GPAT3: variants seen among roughly 807,000 people sequenced by gnomAD.
The protein encoded by GPAT3 is glycerol-3-phosphate acyltransferase 3.
A neutral mutation model predicts 58.8 loss-of-function variants in GPAT3; 53 were observed. The ratio of observed to expected loss-of-function variants is 0.90; its 90% CI spans 0.72 to 1.13. GPAT3 has a LOEUF of 1.13. Ranked by LOEUF, GPAT3 falls within the 50% of genes most tolerant of loss-of-function variation. The probability of loss-of-function intolerance (pLI) is 0.00; values close to 1 mark genes in which losing one functional copy is unlikely to be tolerated. For missense variants in GPAT3, 511 were observed against 527.6 expected, an observed-to-expected ratio of 0.97 and a Z score of 0.31; for synonymous variants, 197 against 187.4, an observed-to-expected ratio of 1.05 and a Z score of -0.42.
chr4:83,543,669 A>G (rs1255142935), intron 1 of GPAT3, among the ~76,000 whole-genome samples: 9 of 151,046 alleles, frequency 6.0e-5, no homozygotes, highest in South Asian at 4.2e-4. Context: ...TTTTTGAGAG[A>G]GTCTCACTCT....
Position 83,597,504 on chromosome 4 carries a change from G to A in GPAT3, c.985G>A (p.Val329Ile), listed in dbSNP as rs368802958. Residue 329 changes from valine (V) to isoleucine (I), a missense_variant, in exon 9 of 12, where the codon GTT becomes ATT. By Grantham distance (29) the Val-to-Ile change is conservative (BLOSUM62 3). Transcript: ENST00000264409. ...SFEIGGTIHP[V>I]AIKYNPQFGD... is the part of the protein sequence containing the mutation. The stretch of plus-strand genomic sequence containing the variant: ...TGAAATTGGAGGAACCATACATCCA[G>A]TTGCAATTAAGGTAAAACAGATACC... The A allele has an allele frequency of 5.1e-6, 8 of 1,560,364 alleles. No individual in the cohort carries two copies. The East Asian group carries it at 1.8e-4, about 36-fold the overall frequency.
At chr4:83,601,696 G>C (rs1727059258) in intron 11 of GPAT3, among the ~76,000 whole-genome samples, 1 of 152,374 alleles carries the variant, frequency 6.6e-6, no homozygotes, top group Admixed American at 6.5e-5. Context: ...CGAGGCTGCA[G>C]TTAGCTGAGA....
intron 10 of GPAT3, 93 bp from the exon 11 acceptor site, chr4:83,598,551 C>A: frequency 9.3e-7 from 1 of 1,074,438 alleles, no homozygotes; most frequent in Non-Finnish European, 1.4e-6. Context: ...AAATATGAAT[C>A]TTATATTTTA....
At chr4:83,582,675 A>AC (rs1338914584) in intron 3 of GPAT3, among the ~76,000 whole-genome samples, 1 of 151,530 alleles carries the variant, frequency 6.6e-6, no homozygotes, top group Non-Finnish European at 1.5e-5. Flanking sequence ...TCTTTTTACC[A>AC]CCCCCAGGGT....
Position 83,536,297 on chromosome 4 carries a change from C to T in GPAT3, c.-326C>T. 1.9e-6 allele frequency: 2 copies of T among 1,066,490 alleles called. No homozygotes were observed. Among genetic ancestry groups the T allele is most frequent in the South Asian group, 8.2e-5 (2 of 24,376 alleles). The allele number at this position is 1,066,490 out of a possible 1,614,324, so 66.1% of individuals were successfully genotyped here. On this transcript the variant is annotated 5_prime_UTR_variant, in exon 1 of 12. Transcript: ENST00000264409. ...TCCTGGCTGCGCTCGCGCGCTCTGC[C>T]CGCGCCGCGGTGTGCCTCCGCTTAC...
chr4:83,546,894 G>A (rs1396482109), intron 2 of GPAT3, among the ~76,000 whole-genome samples: 2 of 152,090 alleles, frequency 1.3e-5, no homozygotes, highest in African/African-American at 2.4e-5. Flanking sequence ...TCGTGCTTGG[G>A]TATCCAGGGG....
In GPAT3 at chr4:83,581,829, T is replaced by C; in HGVS notation, c.476T>C (p.Leu159Pro). ...GTGCGCTATTGTGTCCTACTGCCTCTGAGGTAAGTCATATGCCTGGTAATT... is the reference window on the plus strand; with the variant it reads ...GTGCGCTATTGTGTCCTACTGCCTCCGAGGTAAGTCATATGCCTGGTAATT... ...VIVRYCVLLP[L>P]RVTLAFIGIS... The change falls in exon 3 of 12, where the codon CTG becomes CCG. Residue 159 changes from leucine to proline, a missense_variant. Transcript: ENST00000264409. 6.2e-7 allele frequency: 1 copy of C among 1,607,188 alleles called. No individual in the cohort carries two copies. Among genetic ancestry groups the C allele is most frequent in the Admixed American group, 1.7e-5 (1 of 59,604 alleles).
intron 2 of GPAT3, among the ~76,000 whole-genome samples, chr4:83,553,358 TG>T (rs1724822959): frequency 1.3e-5 from 2 of 152,350 alleles, no homozygotes; most frequent in Admixed American, 1.3e-4. Context: ...TTTTTTAGAT[TG>T]TTTTTCTTTT....
chr4:83,536,263 G>A lies in GPAT3; in HGVS notation c.-360G>A, dbSNP rs569188490. ...ACCCAGAGGAAATCAGGCACCGGGC[G>A]GGGCGGGTTCCTGGCTGCGCTCGCG... is the stretch of plus-strand genomic sequence containing the variant. On this transcript the variant is annotated 5_prime_UTR_variant, in exon 1 of 12. Coordinates refer to ENST00000264409, the MANE Select transcript of GPAT3 (RefSeq NM_032717.5). The A allele has an allele frequency of 2.3e-5, 24 of 1,021,868 alleles. No homozygotes were observed. In the South Asian group the frequency reaches 1.0e-3, roughly 44 times the overall value. The allele number at this position is 1,021,868 out of a possible 1,614,324, so 63.3% of individuals were successfully genotyped here. A position where few individuals can be genotyped will look rare whatever the true frequency, so the allele number is the denominator to read the frequency against.
chr4:83,555,752 G>C (rs944466119), intron 2 of GPAT3, among the ~76,000 whole-genome samples: 6 of 152,194 alleles, frequency 3.9e-5, no homozygotes, highest in Non-Finnish European at 7.3e-5. Context: ...GCTTGGACTT[G>C]CAATTGGCAC....
intron 10 of GPAT3, 162 bp from the exon 11 acceptor site, chr4:83,598,482 T>A: frequency 2.5e-6 from 2 of 786,632 alleles, no homozygotes; most frequent in South Asian, 3.3e-5. Flanking sequence ...CACTGCATTT[T>A]CTTTATAGAA....
At chr4:83,601,392 G>A (rs1727047440) in intron 11 of GPAT3, among the ~76,000 whole-genome samples, 1 of 152,192 alleles carries the variant, frequency 6.6e-6, no homozygotes, top group African/African-American at 2.4e-5. Flanking sequence ...AGGTAAACCA[G>A]TTTCTGATAT....
Position 83,590,203 on chromosome 4 carries a change from TAC to T in GPAT3, c.651_652del (p.Tyr217Ter). On this transcript the variant is annotated frameshift_variant, in exon 6 of 12. Coordinates refer to ENST00000264409, the MANE Select transcript of GPAT3 (RefSeq NM_032717.5). LOFTEE classifies it high-confidence loss of function. ...TTCCATTGTTTGTAATTGCAGGCAG[TAC>T]AGACCCCAGAAGGGAGGCATTTGTG... Reference protein sequence around the residue: ...SGTIHYHNKQYRPQKGGICVA... With the variant: ...SGTIHYHNKQXRPQKGGICVA... 1.2e-6 allele frequency: 2 copies of T among 1,613,722 alleles called. No homozygotes were observed. Among genetic ancestry groups the T allele is most frequent in the Non-Finnish European group, 1.7e-6 (2 of 1,179,768 alleles).
At chr4:83,547,893 T>C (rs1724606356) in intron 2 of GPAT3, among the ~76,000 whole-genome samples, 1 of 149,092 alleles carries the variant, frequency 6.7e-6, no homozygotes, top group African/African-American at 2.5e-5. Flanking sequence ...GGCTGTATTG[T>C]GCCAAATTCC....
chr4:83,552,286 C>T lies in GPAT3; in HGVS notation c.208+7684C>T, dbSNP rs565378015. ...ACCCAGTAGATGACAGACAGTAGCA[C>T]ACTCCCATTCGTGACAACCAACAAT... On this transcript the variant is annotated intron_variant, in intron 2 of 11. Transcript: ENST00000264409. Among the ~76,000 whole-genome samples the T allele has an allele frequency of 7.9e-5, 12 of 152,324 alleles. No homozygotes were observed. In the South Asian group the frequency reaches 1.2e-3, roughly 16 times the overall value.
At chr4:83,558,521 A>T (rs1239456076) in intron 2 of GPAT3, among the ~76,000 whole-genome samples, 4 of 152,180 alleles carry the variant, frequency 2.6e-5, no homozygotes, top group Admixed American at 2.6e-4. Context: ...ATCATTCTGG[A>T]TGGGGGACAT....
chr4:83,596,920 A>G lies in GPAT3; in HGVS notation c.910+7A>G. 6.2e-7 allele frequency: 1 copy of G among 1,602,110 alleles called. No homozygotes were observed. Among genetic ancestry groups the G allele is most frequent in the South Asian group, 1.1e-5 (1 of 88,472 alleles). On this transcript the variant is annotated splice_region_variant and intron_variant, in intron 8 of 11. Coordinates refer to ENST00000264409, the MANE Select transcript of GPAT3 (RefSeq NM_032717.5). ...ATACTAATTTTTCCTGAAGGTAAGA[A>G]TGGGCCTGCCTCCCGAGCTATAGTT...
At chr4:83,582,118 G>C (rs1021868701) in intron 3 of GPAT3, among the ~76,000 whole-genome samples, 3 of 151,130 alleles carry the variant, frequency 2.0e-5, no homozygotes, top group African/African-American at 7.4e-5. Context: ...AAAGGGAAGT[G>C]AAGAAGAAGA....
chr4:83,568,636 T>A (rs1044758815), intron 2 of GPAT3, among the ~76,000 whole-genome samples: 1 of 151,572 alleles, frequency 6.6e-6, no homozygotes, highest in African/African-American at 2.4e-5. Flanking sequence ...GCGTCCGGGG[T>A]AGCTGGGACT....
Sources: gnomAD v4.1 joint callset for allele counts (sites outside exome capture counted in the v4.1 genomes callset) on GRCh38, gnomAD v4.1.1 for gene constraint, MANE v1.5 for transcripts, NCBI Gene and HGNC (gene_info 2026-07-23, HGNC 2026-07-21) for gene names.